The following ERC2 variants were observed in gnomAD, a reference collection of about 807,000 sequenced individuals.
ERC2 encodes ERC protein 2.
Under a neutral mutation model 114.8 loss-of-function variants are expected in ERC2, and 42 were observed. That is an observed-to-expected ratio of 0.37 (90% CI 0.29 to 0.47). The LOEUF (loss-of-function observed/expected upper bound fraction) is 0.47. Among genes scored for constraint, ERC2 ranks in the 20% least tolerant of loss-of-function variants. The probability of loss-of-function intolerance (pLI) is 0.99; values close to 1 mark genes in which losing one functional copy is unlikely to be tolerated. For missense variants in ERC2, 939 were observed against 1,150.7 expected (o/e 0.82, Z 2.66); for synonymous variants, 454 against 425.5 (o/e 1.07, Z -0.82).
In ERC2 at chr3:55,898,109, G is replaced by A. The variant is rs568554453; in HGVS notation, c.2404-9560C>T. ...AATAAAAGAAGGATAGAGAGGAAAT[G>A]TGCAAAAATACATACATCTGACTTA... On this transcript the variant is annotated intron_variant, in intron 13 of 17. Transcript: ENST00000288221. Among the ~76,000 whole-genome samples, 118 of 152,306 alleles carry A rather than the reference G, an allele frequency of 7.7e-4. 1 individual carries two copies. Among genetic ancestry groups the A allele is most frequent in the Non-Finnish European group, 1.4e-3 (94 of 68,036 alleles).
intron 14 of ERC2, among the ~76,000 whole-genome samples, chr3:55,770,573 G>T (rs2068118603): frequency 6.6e-6 from 1 of 152,110 alleles, no homozygotes; most frequent in Non-Finnish European, 1.5e-5. Context: ...GAATCTAAGA[G>T]TTGGTTGCAA....
At chr3:56,361,314 C>T (rs1306551671) in intron 2 of ERC2, among the ~76,000 whole-genome samples, 1 of 152,092 alleles carries the variant, frequency 6.6e-6, no homozygotes, top group African/African-American at 2.4e-5. Flanking sequence ...TGACATGAAA[C>T]ATGAAGAAAA....
intron 2 of ERC2, among the ~76,000 whole-genome samples, chr3:56,308,291 A>G (rs2056348187): frequency 6.6e-6 from 1 of 152,156 alleles, no homozygotes; most frequent in Non-Finnish European, 1.5e-5. Context: ...ATACTACAGA[A>G]TTTCATCTTG....
intron 14 of ERC2, among the ~76,000 whole-genome samples, chr3:55,779,165 C>T (rs1490430021): frequency 6.6e-6 from 1 of 151,744 alleles, no homozygotes; most frequent in Non-Finnish European, 1.5e-5. Context: ...AAGAACAGAC[C>T]AATGTTTTTG....
intron 2 of ERC2, among the ~76,000 whole-genome samples, chr3:56,407,941 A>C (rs2060791771): frequency 6.6e-6 from 1 of 152,162 alleles, no homozygotes; most frequent in African/African-American, 2.4e-5. Context: ...CTGCAGCTCA[A>C]ATGTCACCTC....
At chr3:55,958,458 C>G (rs1234058478) in intron 12 of ERC2, among the ~76,000 whole-genome samples, 6 of 152,198 alleles carry the variant, frequency 3.9e-5, no homozygotes, top group African/African-American at 1.4e-4. Flanking sequence ...GGCAGCCCAG[C>G]CCCCAGGCTT....
chr3:55,785,209 G>A (rs2069389483), intron 14 of ERC2, among the ~76,000 whole-genome samples: 1 of 152,174 alleles, frequency 6.6e-6, no homozygotes. Flanking sequence ...CCTAAAAATA[G>A]GTCCAGATCA....
rs1279304961 is a variant in ERC2, at chr3:55,510,911, C to T, written c.*405G>A. The T allele has an allele frequency of 6.6e-6, 1 of 152,048 alleles. No individual in the cohort carries two copies. Among genetic ancestry groups the T allele is most frequent in the East Asian group, 1.9e-4 (1 of 5,182 alleles). The allele number at this position is 152,048 out of a possible 1,614,324, so 9.4% of individuals were successfully genotyped here. On this transcript the variant is annotated 3_prime_UTR_variant, in exon 18 of 18. Coordinates refer to ENST00000288221, the MANE Select transcript of ERC2 (RefSeq NM_015576.3). ...AGAAGCTGAATCCACAGATAAAATC[C>T]CATGGAGTTCAAATTTATCCAATGA...
intron 17 of ERC2, among the ~76,000 whole-genome samples, chr3:55,539,370 CTTTTA>C (rs1017312225): frequency 1.8e-4 from 19 of 107,092 alleles, no homozygotes; most frequent in East Asian, 6.2e-4. Flanking sequence ...ATTTTCTTTT[CTTTTA>C]TTTTCTTTTT....
chr3:55,988,456 C>T (rs961995207), intron 11 of ERC2, among the ~76,000 whole-genome samples: 5 of 152,186 alleles, frequency 3.3e-5, no homozygotes, highest in African/African-American at 4.8e-5. Flanking sequence ...AGAAACACCA[C>T]GCACATGGAA....
chr3:55,693,392 T>C (rs1320373936), intron 16 of ERC2, among the ~76,000 whole-genome samples: 1 of 152,128 alleles, frequency 6.6e-6, no homozygotes, highest in African/African-American at 2.4e-5. Context: ...GATCCTTACA[T>C]GTTCAGAGGC....
chr3:55,833,402 G>A (rs2060712546), intron 14 of ERC2, among the ~76,000 whole-genome samples: 1 of 151,764 alleles, frequency 6.6e-6, no homozygotes, highest in Non-Finnish European at 1.5e-5. Context: ...CAGACTAACA[G>A]CGGATCTCTC....
chr3:56,354,285 C>G (rs2058662570), intron 2 of ERC2, among the ~76,000 whole-genome samples: 1 of 152,220 alleles, frequency 6.6e-6, no homozygotes, highest in Non-Finnish European at 1.5e-5. Flanking sequence ...GCCTCACAGC[C>G]CTTCCTACAT....
intron 13 of ERC2, among the ~76,000 whole-genome samples, chr3:55,934,585 T>C (rs1188728881): frequency 2.6e-5 from 4 of 152,124 alleles, no homozygotes; most frequent in African/African-American, 9.7e-5. Flanking sequence ...CCTACGTAAC[T>C]CTAGATTGAA....
chr3:55,654,154 CTCCTCAGCTAAGTCA>C (rs1306462239), intron 17 of ERC2, among the ~76,000 whole-genome samples: 2 of 152,274 alleles, frequency 1.3e-5, no homozygotes, highest in Admixed American at 1.3e-4. Flanking sequence ...CAGGTCTCAG[CTCCTCAGCTAAGTCA>C]TCCTCCAAAC....
chr3:55,637,917 T>A (rs2060023047), intron 17 of ERC2, among the ~76,000 whole-genome samples: 2 of 152,188 alleles, frequency 1.3e-5, no homozygotes, highest in African/African-American at 4.8e-5. Flanking sequence ...TTTTTCCCAT[T>A]TTATTGATGA....
At chr3:55,879,373 A>G (rs1362590774) in intron 14 of ERC2, among the ~76,000 whole-genome samples, 1 of 152,146 alleles carries the variant, frequency 6.6e-6, no homozygotes, top group Non-Finnish European at 1.5e-5. Context: ...TACCAACTCT[A>G]GCACAGTCAT....
At chr3:56,297,138 GC>G (rs1362989245) in intron 2 of ERC2, among the ~76,000 whole-genome samples, 1 of 147,366 alleles carries the variant, frequency 6.8e-6, no homozygotes, top group African/African-American at 2.5e-5. Flanking sequence ...AAAAAATGAA[GC>G]AAAAAATCAA....
chr3:56,264,685 A>G (rs1353324750), intron 3 of ERC2, among the ~76,000 whole-genome samples: 1 of 152,084 alleles, frequency 6.6e-6, no homozygotes, highest in African/African-American at 2.4e-5. Context: ...TGTAAGTAAC[A>G]TGATCCTACA....
Sources: gnomAD v4.1 joint callset for allele counts (sites outside exome capture counted in the v4.1 genomes callset) on GRCh38, gnomAD v4.1.1 for gene constraint, MANE v1.5 for transcripts, NCBI Gene and HGNC (gene_info 2026-07-23, HGNC 2026-07-21) for gene names.